AP4E1: variants seen among roughly 807,000 people sequenced by gnomAD.
The protein encoded by AP4E1 is adaptor related protein complex 4 subunit epsilon 1.
A neutral mutation model predicts 128.2 loss-of-function variants in AP4E1; 56 were observed. That is an observed-to-expected ratio of 0.44 (90% CI 0.35 to 0.55). The LOEUF (loss-of-function observed/expected upper bound fraction) is 0.55. Among genes scored for constraint, AP4E1 ranks in the 20% least tolerant of loss-of-function variants. AP4E1 has a pLI of 0.00. For synonymous variants in AP4E1, 484 were observed against 473.1 expected (o/e 1.02, Z -0.30); for missense variants, 1,324 against 1,307.7 (o/e 1.01, Z -0.19).
At chr15:50,979,714 A>G (rs1029074669) in intron 15 of AP4E1, among the ~76,000 whole-genome samples, 41 of 152,068 alleles carry the variant, frequency 2.7e-4, no homozygotes, top group Admixed American at 2.6e-3. Context: ...TAGTAGAGGC[A>G]GGGTTTCACC....
At chr15:50,981,859 G>T (rs915203621) in intron 15 of AP4E1, among the ~76,000 whole-genome samples, 1 of 152,098 alleles carries the variant, frequency 6.6e-6, no homozygotes, top group Non-Finnish European at 1.5e-5. Context: ...CCTGAAGCAG[G>T]TGGATCACCT....
intron 1 of AP4E1, among the ~76,000 whole-genome samples, chr15:50,911,788 G>GT (rs1202170692): frequency 2.0e-5 from 3 of 151,728 alleles, no homozygotes; most frequent in African/African-American, 7.2e-5. Context: ...TCCACCTTTA[G>GT]TTTTAAAAAA....
Position 50,908,694 on chromosome 15 carries a change from A to AGGCCGGGCCGGCAGCGGC in AP4E1, c.-76_-59dup. 1 of 1,369,306 alleles carries AGGCCGGGCCGGCAGCGGC rather than the reference A, an allele frequency of 7.3e-7. No homozygotes were observed. Among genetic ancestry groups the AGGCCGGGCCGGCAGCGGC allele is most frequent in the Non-Finnish European group, 9.5e-7 (1 of 1,057,980 alleles). The allele number at this position is 1,369,306 out of a possible 1,614,324, so 84.8% of individuals were successfully genotyped here. ...TTCAAAAAACAGGAAGTGCCTACGG[A>AGGCCGGGCCGGCAGCGGC]GGCCGGGCCGGCAGCGGCGGCCGGG... is the stretch of plus-strand genomic sequence containing the variant. On this transcript the variant is annotated 5_prime_UTR_variant, in exon 1 of 21. Coordinates refer to ENST00000261842, the MANE Select transcript of AP4E1 (RefSeq NM_007347.5).
chr15:50,990,274 C>T (rs2064785863), intron 16 of AP4E1, among the ~76,000 whole-genome samples: 1 of 150,748 alleles, frequency 6.6e-6, no homozygotes, highest in African/African-American at 2.4e-5. Flanking sequence ...AATTAAGAAG[C>T]ATATTTTTTA....
At chr15:50,926,263 A>C (rs1031543017) in intron 5 of AP4E1, among the ~76,000 whole-genome samples, 32 of 151,424 alleles carry the variant, frequency 2.1e-4, no homozygotes, top group Non-Finnish European at 3.2e-4. Flanking sequence ...CAGCCTCCTG[A>C]GTAGCTGGAA....
rs752693324 is a variant in AP4E1 at position 51,001,047 on chromosome 15, C to T, written c.3117C>T (p.Asp1039=). 2.9e-4 allele frequency: 473 copies of T among 1,612,486 alleles called. 11 individuals are homozygous for T. In the South Asian group the frequency reaches 4.7e-3, roughly 16 times the overall value. ...TCAGACCATTAAAAATCTCAAGTGA[C>T]GACTTTGGGAAACTCTGGTTATCCT... ...DFIRPLKISS[D]DFGKLWLSFA... The change falls in exon 20 of 21, where the codon GAC becomes GAT. Residue 1039 remains aspartate, a synonymous_variant. Coordinates refer to ENST00000261842, the MANE Select transcript of AP4E1 (RefSeq NM_007347.5).
intron 19 of AP4E1, among the ~76,000 whole-genome samples, chr15:51,000,198 A>G (rs1188908130): frequency 1.4e-5 from 2 of 139,078 alleles, no homozygotes; most frequent in African/African-American, 5.5e-5. Flanking sequence ...GCTGGAGTGC[A>G]GTGGCACACT....
intron 20 of AP4E1, among the ~76,000 whole-genome samples, 169 bp from the exon 21 acceptor site, chr15:51,002,333 T>G (rs994962672): frequency 1.3e-5 from 2 of 152,230 alleles, no homozygotes; most frequent in Non-Finnish European, 2.9e-5. Flanking sequence ...GCCATCCTAA[T>G]GTGTATGAAG....
intron 15 of AP4E1, among the ~76,000 whole-genome samples, chr15:50,973,453 C>A (rs1238822612): frequency 1.3e-5 from 2 of 152,118 alleles, no homozygotes; most frequent in African/African-American, 4.8e-5. Flanking sequence ...CTCCTCTTAA[C>A]AAATTTTTAA....
At chr15:50,968,480 C>A in intron 15 of AP4E1, 103 bp downstream of exon 15, 1 of 910,054 alleles carries the variant, frequency 1.1e-6, no homozygotes, top group South Asian at 1.6e-5. Flanking sequence ...TCTATTATTT[C>A]TCTTTAATGA....
intron 7 of AP4E1, among the ~76,000 whole-genome samples, chr15:50,932,916 C>G (rs978038803): frequency 1.3e-5 from 2 of 152,100 alleles, no homozygotes. Context: ...ACGTGGAGCT[C>G]TAGTTGGAGT....
At chr15:50,922,782 C>CTTT (rs397936196) in intron 3 of AP4E1, among the ~76,000 whole-genome samples, 4 of 144,446 alleles carry the variant, frequency 2.8e-5, no homozygotes, top group East Asian at 4.0e-4. Flanking sequence ...TTTTGGGTCT[C>CTTT]TTTTTTTTTT....
chr15:50,945,204 G>A (rs1432710151), intron 10 of AP4E1: 6 of 833,896 alleles, frequency 7.2e-6, no homozygotes, highest in Non-Finnish European at 1.1e-5. Context: ...AGACATTTGG[G>A]ATGAACAAAG....
At chr15:50,916,776 T>C (rs577769524) in intron 3 of AP4E1, among the ~76,000 whole-genome samples, 1 of 152,316 alleles carries the variant, frequency 6.6e-6, no homozygotes, top group Non-Finnish European at 1.5e-5. Flanking sequence ...CTTTCCATAT[T>C]CCAAATCAAA....
Position 50,908,760 on chromosome 15 carries a change from A to G in AP4E1, c.-19A>G. 6.6e-7 allele frequency: 1 copy of G among 1,517,826 alleles called. No individual in the cohort carries two copies. Among genetic ancestry groups the G allele is most frequent in the Non-Finnish European group, 8.8e-7 (1 of 1,136,384 alleles). 94.0% of individuals were successfully genotyped at this position (1,517,826 alleles called of 1,614,324 possible). ...CTACGGGATCGCGGGCGGCGGCGGCATCGCGGGCGGCGGCGGCGATGAGCG... is the reference window on the plus strand; with the variant it reads ...CTACGGGATCGCGGGCGGCGGCGGCGTCGCGGGCGGCGGCGGCGATGAGCG... On this transcript the variant is annotated 5_prime_UTR_variant, in exon 1 of 21. Transcript: ENST00000261842.
chr15:50,947,918 A>G, intron 10 of AP4E1, 102 bp from the exon 11 acceptor site: 1 of 971,284 alleles, frequency 1.0e-6, no homozygotes, highest in Non-Finnish European at 1.5e-6. Context: ...GATCTCCATA[A>G]AAGTAGAAGA....
Position 50,948,255 on chromosome 15 carries a change from A to G in AP4E1, c.1316+96A>G, listed in dbSNP as rs2064090758. 4 of 1,448,108 alleles carry G rather than the reference A, an allele frequency of 2.8e-6. No individual in the cohort carries two copies. In the Admixed American group the frequency reaches 5.2e-5, roughly 19 times the overall value. The allele number at this position is 1,448,108 out of a possible 1,614,324, so 89.7% of individuals were successfully genotyped here. A position where few individuals can be genotyped will look rare whatever the true frequency, so the allele number is the denominator to read the frequency against. Reference sequence around the variant, plus strand: ...ATATGGTCACTTGCAAGTCGAGTTCAGAGACCTAGCAATACTTTTTATTCC... The same window carrying G: ...ATATGGTCACTTGCAAGTCGAGTTCGGAGACCTAGCAATACTTTTTATTCC... On this transcript the variant is annotated intron_variant, in intron 11 of 20. Coordinates refer to ENST00000261842, the MANE Select transcript of AP4E1 (RefSeq NM_007347.5).
intron 10 of AP4E1, chr15:50,944,930 G>C (rs2064037686): frequency 3.7e-6 from 3 of 802,414 alleles, no homozygotes; most frequent in Non-Finnish European, 6.6e-6. Context: ...GTGATGGAGA[G>C]GTTAGAATTT....
At chr15:50,998,307 G>A (rs887188881) in intron 18 of AP4E1, among the ~76,000 whole-genome samples, 12 of 152,006 alleles carry the variant, frequency 7.9e-5, no homozygotes, top group African/African-American at 2.9e-4. Flanking sequence ...ACTGACCAGA[G>A]CAAAAATTCC....
Sources: gnomAD v4.1 joint callset for allele counts (sites outside exome capture counted in the v4.1 genomes callset) on GRCh38, gnomAD v4.1.1 for gene constraint, MANE v1.5 for transcripts, NCBI Gene and HGNC (gene_info 2026-07-23, HGNC 2026-07-21) for gene names.